Variants in C7orf57 observed in about 807,000 individuals in gnomAD.
C7orf57 encodes chromosome 7 open reading frame 57, also known as uncharacterized protein C7orf57.
C7orf57 carries 33 observed loss-of-function variants against 39.0 expected under a neutral mutation model. The observed-to-expected ratio is 0.85, with a 90% CI of 0.64 to 1.13. The LOEUF (loss-of-function observed/expected upper bound fraction) is 1.13, where lower values mean the gene tolerates loss of function less well. C7orf57 is among the 50% of genes most tolerant of loss of function. The pLI, the probability that C7orf57 is intolerant of heterozygous loss-of-function variation, is 0.00. For synonymous variants in C7orf57, 124 were observed against 137.1 expected, an observed-to-expected ratio of 0.90 and a Z score of 0.67; for missense variants, 346 against 362.3, an observed-to-expected ratio of 0.95 and a Z score of 0.37.
rs1160761305 is a variant in C7orf57 at position 48,051,749 on chromosome 7, CT to C, written c.606-947del. Among the ~76,000 whole-genome samples the C allele has an allele frequency of 9.1e-3, 329 of 36,138 alleles. 21 individuals carry two copies. The highest frequency in any genetic ancestry group is 0.022 in the South Asian group (21 of 934). 23.7% of individuals were successfully genotyped at this position (36,138 alleles called of 152,430 possible). ...TTCTCTTTTTCTTTTCTTTCTTTTT[CT>C]TTTCTTTCTTTCTTTCTTTCTTTCT... On this transcript the variant is annotated intron_variant, in intron 6 of 8. Coordinates refer to ENST00000348904, the MANE Select transcript of C7orf57 (RefSeq NM_001100159.3).
intron 2 of C7orf57, 26 bp from the exon 3 acceptor site, chr7:48,041,308 T>C (rs1790539812): frequency 6.3e-7 from 1 of 1,590,924 alleles, no homozygotes; most frequent in African/African-American, 1.3e-5. Context: ...AGCAACAGTG[T>C]GGCCCTCCGC....
At chr7:48,037,653 A>T (rs1025029122) in intron 2 of C7orf57, among the ~76,000 whole-genome samples, 1 of 152,092 alleles carries the variant, frequency 6.6e-6, no homozygotes, top group Non-Finnish European at 1.5e-5. Flanking sequence ...ATATATATAT[A>T]AAAAATCTAT....
chr7:48,054,883 A>ATTTT (rs1301867886), intron 8 of C7orf57, among the ~76,000 whole-genome samples: 10 of 150,836 alleles, frequency 6.6e-5, no homozygotes, highest in South Asian at 4.2e-4. Flanking sequence ...TATTATTATT[A>ATTTT]TTATTTTTTT....
intron 4 of C7orf57, among the ~76,000 whole-genome samples, chr7:48,044,074 C>G (rs530458910): frequency 6.6e-6 from 1 of 152,164 alleles, no homozygotes; most frequent in Admixed American, 6.5e-5. Context: ...GACTAGTGTT[C>G]GGCTCCATTA....
intron 6 of C7orf57, 144 bp from the exon 7 acceptor site, chr7:48,052,554 AAG>A (rs1270993594): frequency 1.2e-5 from 8 of 664,068 alleles, no homozygotes; most frequent in Non-Finnish European, 1.8e-5. Context: ...TAGAGGGAGA[AAG>A]AGAGAGGGAA....
rs764839883 is a variant in C7orf57 at position 48,046,607 on chromosome 7, G to A, written c.498G>A (p.Glu166=). The change falls in exon 5 of 9, where the codon GAG becomes GAA. Residue 166 remains glutamate, a synonymous_variant. Transcript: ENST00000348904. ...GAGAGGCTGAGGAACTTGAAAAGGA[G>A]AAAAAAAAGGTGACGGGAGCCCATA... ...WQREAEELEK[E]KKKLRLPAID... The A allele has an allele frequency of 6.2e-7, 1 of 1,608,146 alleles. No homozygotes were observed. The highest frequency in any genetic ancestry group is 1.7e-5 in the Admixed American group (1 of 58,634).
At chr7:48,058,698 A>G (rs1008968562) in intron 8 of C7orf57, among the ~76,000 whole-genome samples, 15 of 152,162 alleles carry the variant, frequency 9.9e-5, no homozygotes, top group African/African-American at 2.6e-4. Flanking sequence ...GGCTTAGATT[A>G]TTCTTTAGGA....
intron 2 of C7orf57, among the ~76,000 whole-genome samples, chr7:48,038,383 T>TATATATATATATAGATAG (rs148010398): frequency 1.3e-5 from 2 of 150,130 alleles, no homozygotes; most frequent in African/African-American, 4.9e-5. Flanking sequence ...TCTATATACA[T>TATATATATATATAGATAG]ATAGATAGAT....
chr7:48,045,924 A>G (rs527756825), intron 4 of C7orf57, among the ~76,000 whole-genome samples: 1 of 152,206 alleles, frequency 6.6e-6, no homozygotes, highest in Non-Finnish European at 1.5e-5. Context: ...TTTTAAATGA[A>G]CATGTTAAAT....
At position 48,052,777 on chromosome 7, in the gene C7orf57, A is replaced by G. The variant is rs1408091700; in HGVS notation, c.683A>G (p.Gln228Arg). 3.7e-6 allele frequency: 6 copies of G among 1,614,040 alleles called. No individual in the cohort carries two copies. Among genetic ancestry groups the G allele is most frequent in the Admixed American group, 1.7e-5 (1 of 60,028 alleles). ...SNGYKDEWLQ[Q>R]QQRADSDKRT... is the part of the protein sequence containing the mutation. Reference sequence around the variant, plus strand: ...GGTTATAAGGATGAGTGGTTGCAGCAGCAGCAGCGAGCTGACTCAGACAAG... The same window carrying G: ...GGTTATAAGGATGAGTGGTTGCAGCGGCAGCAGCGAGCTGACTCAGACAAG... Residue 228 changes from glutamine (Q) to arginine (R), a missense_variant, in exon 7 of 9, where the codon CAG becomes CGG. Coordinates refer to ENST00000348904, the MANE Select transcript of C7orf57 (RefSeq NM_001100159.3).
At chr7:48,060,181 G>T in intron 8 of C7orf57, 45 bp from the exon 9 acceptor site, 1 of 1,286,330 alleles carries the variant, frequency 7.8e-7, no homozygotes, top group Middle Eastern at 2.1e-4. Context: ...TTAATTTATA[G>T]AAAATGTCAT....
chr7:48,041,335 T>G lies in C7orf57; in HGVS notation c.57T>G (p.Asp19Glu). Reference sequence around the variant, plus strand: ...GCCCTCCGCCTCTCTCCTCTATAGATTGGTATTACCACGTCCCAGTGAAGC... The same window carrying G: ...GCCCTCCGCCTCTCTCCTCTATAGAGTGGTATTACCACGTCCCAGTGAAGC... ...QGATHRYAPC[D>E]WYYHVPVKRS... The change falls in exon 3 of 9, where the codon GAT (aspartate) becomes GAG (glutamate). Residue 19 changes from aspartate to glutamate, a missense_variant and splice_region_variant. By Grantham distance (45) the Asp-to-Glu change is conservative. Coordinates refer to ENST00000348904, the MANE Select transcript of C7orf57 (RefSeq NM_001100159.3). 6 of 1,611,450 alleles carry G rather than the reference T, an allele frequency of 3.7e-6. No individual in the cohort carries two copies. The highest frequency in any genetic ancestry group is 5.1e-6 in the Non-Finnish European group (6 of 1,178,552).
At position 48,035,845 on chromosome 7, in the gene C7orf57, T is replaced by G. The variant is rs752834047; in HGVS notation, c.-102+215T>G. Among the ~76,000 whole-genome samples, 3 of 152,202 alleles carry G rather than the reference T, an allele frequency of 2.0e-5. No individual in the cohort carries two copies. Among genetic ancestry groups the G allele is most frequent in the Non-Finnish European group, 4.4e-5 (3 of 68,028 alleles). On this transcript the variant is annotated intron_variant, in intron 1 of 8. Transcript: ENST00000348904. The surrounding 1 kb of genome is among the most constrained non-coding windows in gnomAD (Gnocchi z 4.0). Reference sequence around the variant, plus strand: ...TGTTGCTTATCCTCTCTGTACTTGCTGTGTCCCTGGCGTGGACGTGCCTGT... The same window carrying G: ...TGTTGCTTATCCTCTCTGTACTTGCGGTGTCCCTGGCGTGGACGTGCCTGT...
Position 48,060,310 on chromosome 7 carries a change from G to A in C7orf57, c.*38G>A. 1 of 1,317,026 alleles carries A rather than the reference G, an allele frequency of 7.6e-7. No individual in the cohort carries two copies. Among genetic ancestry groups the A allele is most frequent in the Non-Finnish European group, 1.1e-6 (1 of 950,126 alleles). The allele number at this position is 1,317,026 out of a possible 1,614,324, so 81.6% of individuals were successfully genotyped here. A position where few individuals can be genotyped will look rare whatever the true frequency, so the allele number is the denominator to read the frequency against. On this transcript the variant is annotated 3_prime_UTR_variant, in exon 9 of 9. Transcript: ENST00000348904. ...TATGTATTTAGGATAATTTTTAAAT[G>A]GCTAAATATGACATGACTGTATTAT... is the stretch of plus-strand genomic sequence containing the variant.
Position 48,041,334 on chromosome 7 carries a change from A to C in C7orf57, c.56A>C (p.Asp19Ala). The change falls in exon 3 of 9, where the codon GAT becomes GCT. Residue 19 changes from aspartate to alanine, a missense_variant and splice_region_variant. Transcript: ENST00000348904. ...QGATHRYAPC[D>A]WYYHVPVKRS... ...GGCCCTCCGCCTCTCTCCTCTATAG[A>C]TTGGTATTACCACGTCCCAGTGAAG... 6.2e-7 allele frequency: 1 copy of C among 1,611,366 alleles called. No individual in the cohort carries two copies.
chr7:48,049,641 A>T lies in C7orf57; in HGVS notation c.508-239A>T, dbSNP rs188069425. Among the ~76,000 whole-genome samples, 4 of 152,214 alleles carry T rather than the reference A, an allele frequency of 2.6e-5. No individual in the cohort carries two copies. The East Asian group carries it at 7.7e-4, about 29-fold the overall frequency. ...TCTTAGTTCATTGTTTTTCCTCCTG[A>T]GCAGATGGCATCTTTACTCAAATAT... On this transcript the variant is annotated intron_variant, in intron 5 of 8. Transcript: ENST00000348904.
chr7:48,043,417 C>T, intron 3 of C7orf57, 64 bp from the exon 4 acceptor site: 1 of 1,230,810 alleles, frequency 8.1e-7, no homozygotes. Flanking sequence ...CTATCACTGG[C>T]AATGCTGTGC....
At chr7:48,036,851 G>A (rs971173056) in intron 2 of C7orf57, among the ~76,000 whole-genome samples, 1 of 152,100 alleles carries the variant, frequency 6.6e-6, no homozygotes. Flanking sequence ...AATTCAGTGA[G>A]GTTCATGTCT....
At chr7:48,053,888 TAC>T (rs1791034118) in intron 7 of C7orf57, among the ~76,000 whole-genome samples, 1 of 152,258 alleles carries the variant, frequency 6.6e-6, no homozygotes, top group Non-Finnish European at 1.5e-5. Flanking sequence ...AACCTGTTTT[TAC>T]TCTTGAGGCT....
Sources: allele counts gnomAD v4.1 joint callset (sites outside exome capture counted in the v4.1 genomes callset), GRCh38; gene constraint gnomAD v4.1.1; non-coding constraint Gnocchi (gnomAD v3.1); transcripts MANE v1.5; gene names NCBI Gene and HGNC (gene_info 2026-07-23, HGNC 2026-07-21).